Variants in EIF4A3 observed in about 807,000 individuals in gnomAD.
EIF4A3 encodes eukaryotic initiation factor 4A-III.
In EIF4A3, 1 loss-of-function variant was observed where a neutral mutation model predicts 55.6. That is an observed-to-expected ratio of 0.02 (90% CI 0.01 to 0.09). The LOEUF (loss-of-function observed/expected upper bound fraction) is 0.09, where lower values mean the gene tolerates loss of function less well. EIF4A3 is among the 10% of genes least tolerant of loss of function. EIF4A3 has a pLI of 1.00. For missense variants in EIF4A3, 221 were observed against 540.7 expected (o/e 0.41, Z 5.86); for synonymous variants, 194 against 196.3 (o/e 0.99, Z 0.10).
At chr17:80,142,542 G>A (rs1353114264) in intron 2 of EIF4A3, among the ~76,000 whole-genome samples, 1 of 152,118 alleles carries the variant, frequency 6.6e-6, no homozygotes, top group Non-Finnish European at 1.5e-5. Flanking sequence ...CCAGGAATTC[G>A]AGACCAGCCT....
chr17:80,136,395 T>C lies in EIF4A3; in HGVS notation c.984-60A>G, dbSNP rs528060994. On this transcript the variant is annotated intron_variant, in intron 9 of 11. Coordinates refer to ENST00000649764, the MANE Select transcript of EIF4A3 (RefSeq NM_014740.4). Reference sequence around the variant, plus strand: ...TACTCATACAAGTGTAAGACTGGACTTGCTTCCATTGCTAATTTTAAGGAA... The same window carrying C: ...TACTCATACAAGTGTAAGACTGGACCTGCTTCCATTGCTAATTTTAAGGAA... 10 of 1,344,116 alleles carry C rather than the reference T, an allele frequency of 7.4e-6. No individual in the cohort carries two copies. In the African/African-American group the frequency reaches 1.3e-4, roughly 18 times the overall value. 83.3% of individuals were successfully genotyped at this position (1,344,116 alleles called of 1,614,324 possible).
At position 80,147,028 on chromosome 17, in the gene EIF4A3, TGTGCCGCTGCCGACCTCG is replaced by T. The variant is rs2039673094; in HGVS notation, c.-85_-68del. ...ACCTCGCTGCCGCTGCCGACCTCGCTGTGCCGCTGCCGACCTCGCTGCCGCTGCCGACCTCGCTGTGCC... is the reference window on the plus strand; with the variant it reads ...ACCTCGCTGCCGCTGCCGACCTCGCTCTGCCGCTGCCGACCTCGCTGTGCC... On this transcript the variant is annotated 5_prime_UTR_variant, in exon 1 of 12. Transcript: ENST00000649764. 19 of 1,208,042 alleles carry T rather than the reference TGTGCCGCTGCCGACCTCG, an allele frequency of 1.6e-5. No individual in the cohort carries two copies. The South Asian group carries it at 3.3e-4, about 21-fold the overall frequency. The allele number at this position is 1,208,042 out of a possible 1,614,324, so 74.8% of individuals were successfully genotyped here.
intron 1 of EIF4A3, among the ~76,000 whole-genome samples, chr17:80,145,678 C>A (rs2039653464): frequency 1.3e-5 from 2 of 152,180 alleles, no homozygotes; most frequent in African/African-American, 4.8e-5. Flanking sequence ...ATGTGCCCAA[C>A]CCAACCTCTT....
intron 4 of EIF4A3, among the ~76,000 whole-genome samples, chr17:80,140,941 G>A (rs1465690084): frequency 3.9e-5 from 6 of 151,916 alleles, no homozygotes; most frequent in African/African-American, 7.3e-5. Flanking sequence ...GATTACAGGC[G>A]CCTGCCACCA....
At chr17:80,139,772 T>TA (rs1229282860) in intron 5 of EIF4A3, 22 bp from the exon 6 acceptor site, 2 of 1,605,180 alleles carry the variant, frequency 1.2e-6, no homozygotes, top group East Asian at 4.5e-5. Context: ...GATTTTGAAA[T>TA]ACTTACGACA....
chr17:80,136,383 G>C, intron 9 of EIF4A3, 48 bp from the exon 10 acceptor site: 1 of 1,479,002 alleles, frequency 6.8e-7, no homozygotes, highest in South Asian at 1.2e-5. Flanking sequence ...TCATACAAGT[G>C]TAAGACTGGA....
intron 9 of EIF4A3, chr17:80,137,147 G>C: frequency 2.7e-6 from 1 of 371,184 alleles, no homozygotes; most frequent in Non-Finnish European, 4.8e-6. Flanking sequence ...ACACACGCTT[G>C]TAACCAAGGT....
Position 80,147,066 on chromosome 17 carries a change from T to TGTGCCGCTGCCGACCTCGCG in EIF4A3, c.-106_-105insCGCGAGGTCGGCAGCGGCAC. 1 of 1,292,830 alleles carries TGTGCCGCTGCCGACCTCGCG rather than the reference T, an allele frequency of 7.7e-7. No homozygotes were observed. The highest frequency in any genetic ancestry group is 3.5e-5 in the Admixed American group (1 of 28,646). 80.1% of individuals were successfully genotyped at this position (1,292,830 alleles called of 1,614,324 possible). On this transcript the variant is annotated 5_prime_UTR_variant, in exon 1 of 12. Transcript: ENST00000649764. Reference sequence around the variant, plus strand: ...ACCTCGCTGCCGCTGCCGACCTCGCTGTGCCGCTGCCGACCTCGCTGTGCC... The same window carrying TGTGCCGCTGCCGACCTCGCG: ...ACCTCGCTGCCGCTGCCGACCTCGCTGTGCCGCTGCCGACCTCGCGGTGCCGCTGCCGACCTCGCTGTGCC...
intron 8 of EIF4A3, 69 bp from the exon 9 acceptor site, chr17:80,137,570 T>C (rs1054023838): frequency 8.3e-7 from 1 of 1,207,892 alleles, no homozygotes; most frequent in Non-Finnish European, 1.2e-6. Flanking sequence ...TTCGGGACTT[T>C]ACCGCATCAT....
At chr17:80,135,593 GA>G in intron 11 of EIF4A3, 87 bp from the exon 12 acceptor site, 1 of 1,269,544 alleles carries the variant, frequency 7.9e-7, no homozygotes, top group East Asian at 2.5e-5. Flanking sequence ...CCTCACAACA[GA>G]CTTCTCAAAA....
intron 7 of EIF4A3, 80 bp from the exon 8 acceptor site, chr17:80,138,360 A>G: frequency 1.3e-6 from 2 of 1,559,240 alleles, no homozygotes; most frequent in South Asian, 2.3e-5. Context: ...GGATCCAGGG[A>G]GACCCTGGTG....
At chr17:80,143,558 GTCT>G (rs2039634537) in intron 2 of EIF4A3, among the ~76,000 whole-genome samples, 1 of 152,342 alleles carries the variant, frequency 6.6e-6, no homozygotes, top group African/African-American at 2.4e-5. Context: ...GCTCACAGAA[GTCT>G]TCTTCTGTGC....
Position 80,138,262 on chromosome 17 carries a change from T to A in EIF4A3, c.747A>T (p.Glu249Asp). 6.2e-7 allele frequency: 1 copy of A among 1,613,960 alleles called. No homozygotes were observed. Among genetic ancestry groups the A allele is most frequent in the Non-Finnish European group, 8.5e-7 (1 of 1,180,018 alleles). ...CTGCCACGAAAAATTGCTTGATGCCTTCCAGAGTCAATTCATCACTGAAGG... is the reference window on the plus strand; with the variant it reads ...CTGCCACGAAAAATTGCTTGATGCCATCCAGAGTCAATTCATCACTGAAGG... ...ILVKRDELTLEGIKQFFVAVE... is the reference protein window; with the variant it reads ...ILVKRDELTLDGIKQFFVAVE... The change falls in exon 8 of 12, where the codon GAA becomes GAT. Residue 249 changes from glutamate (E) to aspartate (D), a missense_variant. Physicochemically the swap from Glu to Asp is conservative, Grantham distance 45 (BLOSUM62 2). Transcript: ENST00000649764.
At chr17:80,146,327 C>A (rs1383598555) in intron 1 of EIF4A3, among the ~76,000 whole-genome samples, 2 of 152,080 alleles carry the variant, frequency 1.3e-5, no homozygotes, top group South Asian at 2.1e-4. Flanking sequence ...TTTACTAATT[C>A]TCTCCTCCTT....
chr17:80,143,541 C>T (rs761467974), intron 2 of EIF4A3, among the ~76,000 whole-genome samples: 27 of 152,310 alleles, frequency 1.8e-4, no homozygotes, highest in Middle Eastern at 3.4e-3. Context: ...AAAAGCCCCA[C>T]ACCTCTGCTC....
Position 80,146,812 on chromosome 17 carries a change from C to T in EIF4A3, c.150G>A (p.Leu50=). ...FDTMGLREDL[L]RGIYAYGFEK... is the part of the protein sequence containing the mutation. ...GCTCACCGTAAGCGTAGATGCCCCG[C>T]AGCAGGTCCTCCCGCAGGCCCATGG... is the stretch of plus-strand genomic sequence containing the variant. The change falls in exon 1 of 12, where the codon CTG becomes CTA. Residue 50 remains leucine (L), a synonymous_variant. Transcript: ENST00000649764. 1 of 1,609,826 alleles carries T rather than the reference C, an allele frequency of 6.2e-7. No individual in the cohort carries two copies. The highest frequency in any genetic ancestry group is 1.1e-5 in the South Asian group (1 of 91,014).
At chr17:80,145,179 T>C (rs2039649488) in intron 1 of EIF4A3, among the ~76,000 whole-genome samples, 1 of 152,218 alleles carries the variant, frequency 6.6e-6, no homozygotes, top group Non-Finnish European at 1.5e-5. Context: ...GGTGGGGCTG[T>C]CAGCCTCACT....
intron 6 of EIF4A3, 53 bp downstream of exon 6, chr17:80,139,617 T>C: frequency 3.3e-6 from 5 of 1,509,126 alleles, no homozygotes; most frequent in South Asian, 1.2e-5. Flanking sequence ...ACTGTGAAAA[T>C]TTAAGAACTA....
intron 8 of EIF4A3, 127 bp from the exon 9 acceptor site, chr17:80,137,628 A>G: frequency 2.8e-6 from 2 of 724,168 alleles, no homozygotes; most frequent in Admixed American, 2.9e-5. Context: ...CTTAAAACTC[A>G]GAATCATCCT....
Sources: allele counts gnomAD v4.1 joint callset (sites outside exome capture counted in the v4.1 genomes callset), GRCh38; gene constraint gnomAD v4.1.1; transcripts MANE v1.5; gene names NCBI Gene and HGNC (gene_info 2026-07-23, HGNC 2026-07-21).